NMNAT1: variants seen among roughly 807,000 people sequenced by gnomAD.
The protein encoded by NMNAT1 is nicotinamide/nicotinic acid mononucleotide adenylyltransferase 1.
NMNAT1 carries 11 observed loss-of-function variants against 16.7 expected under a neutral mutation model. That is an observed-to-expected ratio of 0.66 (90% CI 0.41 to 1.09). NMNAT1 has a LOEUF of 1.09. Ranked by LOEUF, NMNAT1 falls within the 50% of genes least tolerant of loss-of-function variation. NMNAT1 has a pLI of 0.00. For synonymous variants in NMNAT1, 110 were observed against 119.8 expected (o/e 0.92, Z 0.53); for missense variants, 280 against 332.3 (o/e 0.84, Z 1.22).
chr1:9,969,281 T>C (rs183870887), intron 1 of NMNAT1, among the ~76,000 whole-genome samples: 21 of 152,224 alleles, frequency 1.4e-4, no homozygotes, highest in Admixed American at 1.2e-3. Context: ...ATAGAGATGA[T>C]AATCTGTTGG....
rs570626784 is a variant in NMNAT1 at position 9,974,415 on chromosome 1, G to A, written c.116-1177G>A. Among the ~76,000 whole-genome samples, 7 of 144,250 alleles carry A rather than the reference G, an allele frequency of 4.9e-5. No individual in the cohort carries two copies. In the South Asian group the frequency reaches 1.5e-3, roughly 32 times the overall value. 94.6% of individuals were successfully genotyped at this position (144,250 alleles called of 152,430 possible). On this transcript the variant is annotated intron_variant, in intron 2 of 4. Transcript: ENST00000377205. ...ATTTTTTTTTTTTTTTGGAGACAGA[G>A]TCTTGCTCTGTCGCTCAGGCTGGAG... is the stretch of plus-strand genomic sequence containing the variant.
intron 1 of NMNAT1, among the ~76,000 whole-genome samples, chr1:9,954,756 C>T (rs960367544): frequency 2.6e-5 from 4 of 151,194 alleles, no homozygotes; most frequent in African/African-American, 9.7e-5. Flanking sequence ...CATGGTGACA[C>T]CCCATCTCTA....
At position 9,984,546 on chromosome 1, in the gene NMNAT1, T is replaced by A. The variant is rs1642014305; in HGVS notation, c.*1845T>A. 6.6e-6 allele frequency: 1 copy of A among 152,184 alleles called. No homozygotes were observed. The highest frequency in any genetic ancestry group is 1.5e-5 in the Non-Finnish European group (1 of 68,038). 9.4% of individuals were successfully genotyped at this position (152,184 alleles called of 1,614,324 possible). ...TAGAACAATGAATTTCACAGGGGAA[T>A]AAATATTAATGACTGACGTGAAGAA... On this transcript the variant is annotated 3_prime_UTR_variant, in exon 5 of 5. Transcript: ENST00000377205.
chr1:9,943,187 G>T (rs959712845), upstream of NMNAT1: 1 of 172,824 alleles, frequency 5.8e-6, no homozygotes, highest in Non-Finnish European at 1.3e-5. Context: ...GCTCCAACAG[G>T]CCCCAATTGC....
Position 9,980,989 on chromosome 1 carries a change from A to G in NMNAT1, c.300-42A>G, listed in dbSNP as rs750110780. On this transcript the variant is annotated intron_variant, in intron 3 of 4. Coordinates refer to ENST00000377205, the MANE Select transcript of NMNAT1 (RefSeq NM_022787.4). ...TGTTAATGATATATTCTAATGGAGCATGTGAGAAAGAGAAATATTCTATTG... is the reference window on the plus strand; with the variant it reads ...TGTTAATGATATATTCTAATGGAGCGTGTGAGAAAGAGAAATATTCTATTG... 2.5e-6 allele frequency: 4 copies of G among 1,581,676 alleles called. No homozygotes were observed. In the South Asian group the frequency reaches 3.5e-5, roughly 14 times the overall value.
intron 1 of NMNAT1, among the ~76,000 whole-genome samples, chr1:9,955,571 C>T (rs1057216932): frequency 2.0e-5 from 3 of 152,102 alleles, no homozygotes; most frequent in African/African-American, 7.2e-5. Context: ...CACCATTGCC[C>T]TCCAGCCTGG....
chr1:9,992,647 C>A, the NMNAT1 span, among the ~76,000 whole-genome samples: 1 of 152,010 alleles, frequency 6.6e-6, no homozygotes, highest in Non-Finnish European at 1.5e-5. Context: ...CGTGGTGGCT[C>A]ACGCCTGTAA....
chr1:9,965,937 G>A (rs1167724045), intron 1 of NMNAT1, among the ~76,000 whole-genome samples: 5 of 151,812 alleles, frequency 3.3e-5, no homozygotes, highest in Admixed American at 2.0e-4. Flanking sequence ...GCAGTGACCT[G>A]TGATCATGCC....
At chr1:9,944,230 G>A (rs1640907744) in intron 1 of NMNAT1, among the ~76,000 whole-genome samples, 1 of 151,762 alleles carries the variant, frequency 6.6e-6, no homozygotes, top group Non-Finnish European at 1.5e-5. Flanking sequence ...CTCCAGCCGG[G>A]GCGACAGTTC....
intron 1 of NMNAT1, among the ~76,000 whole-genome samples, chr1:9,966,824 T>TACAC (rs1404722359): frequency 6.6e-6 from 1 of 152,082 alleles, no homozygotes; most frequent in Non-Finnish European, 1.5e-5. Flanking sequence ...AAAAGCAGGT[T>TACAC]ACACATAAAG....
intron 1 of NMNAT1, among the ~76,000 whole-genome samples, chr1:9,948,155 CTCCAGATGAG>C (rs1429792501): frequency 6.6e-6 from 1 of 152,138 alleles, no homozygotes. Flanking sequence ...TAGGTAACCT[CTCCAGATGAG>C]AACAGATGAA....
chr1:9,980,710 G>A (rs183791411), intron 3 of NMNAT1, among the ~76,000 whole-genome samples: 248 of 151,342 alleles, frequency 1.6e-3, no homozygotes, highest in African/African-American at 5.7e-3. Flanking sequence ...AGGTTGGAGT[G>A]CAGTGGTGCG....
Position 9,951,079 on chromosome 1 carries a change from ACT to A in NMNAT1, c.-57+7567_-57+7568del, listed in dbSNP as rs1336228909. Among the ~76,000 whole-genome samples the A allele has an allele frequency of 4.0e-5, 6 of 148,952 alleles. No individual in the cohort carries two copies. In the South Asian group the frequency reaches 1.3e-3, roughly 32 times the overall value. On this transcript the variant is annotated intron_variant, in intron 1 of 4. Transcript: ENST00000377205. The stretch of plus-strand genomic sequence containing the variant: ...ACTCCAGCTTAAGCAACAAAGTGAG[ACT>A]CTGTTTCAAAAAAAAAAAAAAAAGA...
chr1:9,953,025 G>C (rs754680383), intron 1 of NMNAT1, among the ~76,000 whole-genome samples: 2 of 151,566 alleles, frequency 1.3e-5, no homozygotes, highest in African/African-American at 4.8e-5. Flanking sequence ...CTGTCGCCCA[G>C]GTGGAAGTGC....
intron 1 of NMNAT1, among the ~76,000 whole-genome samples, chr1:9,964,170 G>A (rs558331205): frequency 1.6e-4 from 25 of 151,790 alleles, no homozygotes; most frequent in Non-Finnish European, 2.9e-4. Flanking sequence ...GGGATTACAG[G>A]TGTGAGCTAC....
intron 1 of NMNAT1, chr1:9,952,477 GAC>G (rs1209156357): frequency 6.6e-6 from 1 of 152,066 alleles, no homozygotes; most frequent in Non-Finnish European, 1.5e-5. Flanking sequence ...AACCTAAAAA[GAC>G]AGAGGAACAG....
downstream of NMNAT1, among the ~76,000 whole-genome samples, chr1:9,985,979 G>A (rs1192735117): frequency 6.6e-6 from 1 of 152,120 alleles, no homozygotes; most frequent in Non-Finnish European, 1.5e-5. Flanking sequence ...TCATAGTGGT[G>A]CCTGGTCCCA....
At chr1:9,972,995 G>C (rs1641722388) in intron 2 of NMNAT1, among the ~76,000 whole-genome samples, 1 of 152,156 alleles carries the variant, frequency 6.6e-6, no homozygotes, top group African/African-American at 2.4e-5. Flanking sequence ...ATTCTGTCAT[G>C]CCTGTGCTTA....
At chr1:9,963,363 G>A (rs992690088) in intron 1 of NMNAT1, among the ~76,000 whole-genome samples, 2 of 151,918 alleles carry the variant, frequency 1.3e-5, no homozygotes, top group African/African-American at 4.8e-5. Flanking sequence ...TGTACACAGT[G>A]AGGCATTGCA....
Sources: allele counts gnomAD v4.1 joint callset (sites outside exome capture counted in the v4.1 genomes callset), GRCh38; gene constraint gnomAD v4.1.1; transcripts MANE v1.5; gene names NCBI Gene and HGNC (gene_info 2026-07-23, HGNC 2026-07-21).